YARS2: variants seen among roughly 807,000 people sequenced by gnomAD.
The protein encoded by YARS2 is tyrosyl-tRNA synthetase 2, also known as tyrosine--tRNA ligase, mitochondrial.
Under a neutral mutation model 45.0 loss-of-function variants are expected in YARS2, and 38 were observed. The ratio of observed to expected loss-of-function variants is 0.84; its 90% CI spans 0.65 to 1.11. The LOEUF (loss-of-function observed/expected upper bound fraction) is 1.11. Among genes scored for constraint, YARS2 ranks in the 50% least tolerant of loss-of-function variants. The pLI is 0.00. For synonymous variants in YARS2, 287 were observed against 245.1 expected, an observed-to-expected ratio of 1.17 and a Z score of -1.60; for missense variants, 602 against 599.8, an observed-to-expected ratio of 1.00 and a Z score of -0.04.
intron 1 of YARS2, 25 bp from the exon 2 acceptor site, chr12:32,754,110 ATG>A (rs1955800049): frequency 6.2e-7 from 1 of 1,613,884 alleles, no homozygotes; most frequent in Non-Finnish European, 8.5e-7. Context: ...CAATTTCATT[ATG>A]TGCCTCAAGC....
At chr12:32,747,394 A>G (rs1955661302) in intron 4 of YARS2, 31 bp from the exon 5 acceptor site, 2 of 1,609,228 alleles carry the variant, frequency 1.2e-6, no homozygotes, top group African/African-American at 1.3e-5. Flanking sequence ...GTAAGTAGAG[A>G]GATCCAATCA....
chr12:32,755,809 T>C lies in YARS2; in HGVS notation c.66A>G (p.Val22=). The change falls in exon 1 of 5, where the codon GTA becomes GTG. Residue 22 remains valine (V), a synonymous_variant. Coordinates refer to ENST00000324868, the MANE Select transcript of YARS2 (RefSeq NM_001040436.3). ...CCTTACGCAGCCCCAAGGGCAACAATACTGAGAGATTTAGGGTACCAGACC... is the reference window on the plus strand; with the variant it reads ...CCTTACGCAGCCCCAAGGGCAACAACACTGAGAGATTTAGGGTACCAGACC... ...GRWSGTLNLS[V]LLPLGLRKAH... is the part of the protein sequence containing the mutation. 1 of 1,613,644 alleles carries C rather than the reference T, an allele frequency of 6.2e-7. No homozygotes were observed. The highest frequency in any genetic ancestry group is 8.5e-7 in the Non-Finnish European group (1 of 1,180,034).
chr12:32,750,480 C>T (rs528373649), intron 3 of YARS2, among the ~76,000 whole-genome samples: 14 of 152,264 alleles, frequency 9.2e-5, no homozygotes, highest in East Asian at 3.9e-4. Flanking sequence ...GGATTACAGG[C>T]GTGAGCCACC....
intron 4 of YARS2, 117 bp downstream of exon 4, chr12:32,749,820 G>A: frequency 8.4e-7 from 1 of 1,187,796 alleles, no homozygotes; most frequent in Non-Finnish European, 1.2e-6. Context: ...CTCGTGATCT[G>A]CCCGCCTCGG....
In YARS2 at chr12:32,755,563, C is replaced by T. The variant is rs369750897; in HGVS notation, c.312G>A (p.Ala104=). ...CCACCAGCGCGATCACGTTGTGGCC[C>T]GCTCGCTGCAAATGAAACAGGCCCA... The part of the protein sequence containing the change: ...ALLGLFHLQR[A]GHNVIALVGG... Residue 104 remains alanine (A), a synonymous_variant, in exon 1 of 5, where the codon GCG becomes GCA. Transcript: ENST00000324868. 16 of 1,613,652 alleles carry T rather than the reference C, an allele frequency of 9.9e-6. No individual in the cohort carries two copies. The highest frequency in any genetic ancestry group is 9.3e-5 in the African/African-American group (7 of 74,948).
chr12:32,751,200 G>A (rs1389194818), intron 2 of YARS2, among the ~76,000 whole-genome samples: 2 of 151,278 alleles, frequency 1.3e-5, no homozygotes, highest in Admixed American at 6.6e-5. Context: ...CCAAGCAGCC[G>A]GGACCACAGG....
At chr12:32,750,350 T>C (rs1040402424) in intron 3 of YARS2, among the ~76,000 whole-genome samples, 11 of 152,172 alleles carry the variant, frequency 7.2e-5, no homozygotes, top group South Asian at 6.2e-4. Context: ...TACAGACGTG[T>C]GCCACCACGC....
rs920538847 is a variant in YARS2 at position 32,750,001 on chromosome 12, C to T, written c.1210G>A (p.Asp404Asn). 34 of 1,613,926 alleles carry T rather than the reference C, an allele frequency of 2.1e-5. No homozygotes were observed. The highest frequency in any genetic ancestry group is 6.7e-5 in the East Asian group (3 of 44,878). Residue 404 changes from aspartate to asparagine, a missense_variant, in exon 4 of 5, where the codon GAT becomes AAT. Coordinates refer to ENST00000324868, the MANE Select transcript of YARS2 (RefSeq NM_001040436.3). ...GTATCTAGGACACTTGTTCCAGGAT[C>T]GAGAAAAAATTCAGAAAATGGAGCT... ...KEAPFSEFFL[D>N]PGTSVLDTCR...
chr12:32,754,523 T>A (rs1202810208), intron 1 of YARS2, among the ~76,000 whole-genome samples: 1 of 152,166 alleles, frequency 6.6e-6, no homozygotes, highest in African/African-American at 2.4e-5. Flanking sequence ...TTGAAAAAAC[T>A]TTTTGAGATA....
At chr12:32,751,277 AG>A (rs1333305525) in intron 2 of YARS2, among the ~76,000 whole-genome samples, 1 of 151,938 alleles carries the variant, frequency 6.6e-6, no homozygotes, top group Admixed American at 6.6e-5. Context: ...TGTGTTGCCC[AG>A]GCTGGTCTCA....
chr12:32,747,665 G>C (rs909901198), intron 4 of YARS2, among the ~76,000 whole-genome samples: 2 of 152,174 alleles, frequency 1.3e-5, no homozygotes, highest in Non-Finnish European at 2.9e-5. Flanking sequence ...AGCCTCCAGA[G>C]TAGCTGCGAT....
At position 32,747,259 on chromosome 12, in the gene YARS2, G is replaced by GA; in HGVS notation, c.1378dup (p.Ser460PhefsTer4). ...ATTTCTTTTTCCTATTTTAAGTAAG[G>GA]AAAGTCCATTCTTGAGAATATGTTG... On this transcript the variant is annotated frameshift_variant, in exon 5 of 5. Transcript: ENST00000324868. LOFTEE classifies it high-confidence loss of function. The GA allele has an allele frequency of 6.2e-7, 1 of 1,613,822 alleles. No individual in the cohort carries two copies.
rs56907654 is a variant in YARS2 at position 32,752,740 on chromosome 12, CAAAAAAAA to C, written c.947+1170_947+1177del. The C allele has an allele frequency of 5.4e-3, 1,057 of 196,158 alleles. 1 individual carries two copies. Among genetic ancestry groups the C allele is most frequent in the Middle Eastern group, 6.7e-3 (4 of 596 alleles). The allele number at this position is 196,158 out of a possible 1,614,324, so 12.2% of individuals were successfully genotyped here. On this transcript the variant is annotated intron_variant, in intron 2 of 4. Coordinates refer to ENST00000324868, the MANE Select transcript of YARS2 (RefSeq NM_001040436.3). Reference sequence around the variant, plus strand: ...TGGGCAACAAAGTGAGACACTGCCTCAAAAAAAAAAAAAAAAAAAAAAAAAGATTATCA... The same window carrying C: ...TGGGCAACAAAGTGAGACACTGCCTCAAAAAAAAAAAAAAAAAGATTATCA...
At chr12:32,754,848 G>A (rs1010300643) in intron 1 of YARS2, among the ~76,000 whole-genome samples, 1 of 151,712 alleles carries the variant, frequency 6.6e-6, no homozygotes, top group African/African-American at 2.4e-5. Context: ...CCGAATAGCT[G>A]GGATTACAGG....
chr12:32,749,881 G>C, intron 4 of YARS2, 56 bp downstream of exon 4: 1 of 1,603,102 alleles, frequency 6.2e-7, no homozygotes, highest in South Asian at 1.1e-5. Context: ...CTGGCCTTGT[G>C]AACTGTAACA....
rs1470493624 is a variant in YARS2 at position 32,753,822 on chromosome 12, A to T, written c.947+96T>A. The T allele has an allele frequency of 2.0e-6, 3 of 1,534,962 alleles. No homozygotes were observed. In the East Asian group the frequency reaches 6.7e-5, roughly 35 times the overall value. ...ATGTACAGACAGAAACTACGTTAAA[A>T]ACAAAAAAACTATAAAATGTACATA... is the stretch of plus-strand genomic sequence containing the variant. On this transcript the variant is annotated intron_variant, in intron 2 of 4. Coordinates refer to ENST00000324868, the MANE Select transcript of YARS2 (RefSeq NM_001040436.3).
At position 32,746,995 on chromosome 12, in the gene YARS2, C is replaced by G. The variant is rs10844337; in HGVS notation, c.*209G>C. ...ATCATGGTTTTCTATGGTAATCAAG[C>G]TTTGTACATCAGAAAATAAAACATC... On this transcript the variant is annotated 3_prime_UTR_variant, in exon 5 of 5. Transcript: ENST00000324868. 76,177 of 537,730 alleles carry G rather than the reference C, an allele frequency of 0.14. 5,762 individuals are homozygous for G. Among genetic ancestry groups the G allele is most frequent in the African/African-American group, 0.21 (10,792 of 52,624 alleles). The allele number at this position is 537,730 out of a possible 1,614,324, so 33.3% of individuals were successfully genotyped here.
intron 3 of YARS2, 38 bp from the exon 4 acceptor site, chr12:32,750,145 T>C: frequency 1.2e-6 from 2 of 1,610,662 alleles, no homozygotes; most frequent in Non-Finnish European, 1.7e-6. Flanking sequence ...CATATAAATG[T>C]TTATTCAAAT....
rs1429813651 is a variant in YARS2, at chr12:32,749,997, G to A, written c.1214C>T (p.Pro405Leu). 1.9e-6 allele frequency: 3 copies of A among 1,613,968 alleles called. No homozygotes were observed. The highest frequency in any genetic ancestry group is 2.5e-6 in the Non-Finnish European group (3 of 1,180,032). The part of the protein sequence containing the change: ...EAPFSEFFLD[P>L]GTSVLDTCRK... ...GCAAGTATCTAGGACACTTGTTCCA[G>A]GATCGAGAAAAAATTCAGAAAATGG... is the stretch of plus-strand genomic sequence containing the variant. Residue 405 changes from proline to leucine, a missense_variant, in exon 4 of 5, where the codon CCT becomes CTT. Pro to Leu is a moderately conservative substitution (Grantham distance 98). Coordinates refer to ENST00000324868, the MANE Select transcript of YARS2 (RefSeq NM_001040436.3).
Sources: allele counts gnomAD v4.1 joint callset (sites outside exome capture counted in the v4.1 genomes callset), GRCh38; gene constraint gnomAD v4.1.1; transcripts MANE v1.5; gene names NCBI Gene and HGNC (gene_info 2026-07-23, HGNC 2026-07-21).